The following CDIP1 variants were observed in gnomAD, a reference collection of about 807,000 sequenced individuals.
CDIP1 encodes the protein cell death inducing p53 target 1.
In CDIP1, 9 loss-of-function variants were observed where a neutral mutation model predicts 17.7. That is an observed-to-expected ratio of 0.51 (90% CI 0.31 to 0.89). The LOEUF (loss-of-function observed/expected upper bound fraction) is 0.89, where lower values mean the gene tolerates loss of function less well. CDIP1 is among the 40% of genes least tolerant of loss of function. The pLI is 0.05. For missense variants in CDIP1, 263 were observed against 277.9 expected, an observed-to-expected ratio of 0.95 and a Z score of 0.38; for synonymous variants, 117 against 109.5, an observed-to-expected ratio of 1.07 and a Z score of -0.43.
chr16:4,535,475 T>A (rs914849685), intron 1 of CDIP1, among the ~76,000 whole-genome samples: 1 of 152,246 alleles, frequency 6.6e-6, no homozygotes, highest in Non-Finnish European at 1.5e-5. Flanking sequence ...GGCTCTGTAT[T>A]GGTTTTGCTT....
chr16:4,538,006 G>A (rs2059127823), intron 1 of CDIP1, among the ~76,000 whole-genome samples: 1 of 152,214 alleles, frequency 6.6e-6, no homozygotes, highest in Non-Finnish European at 1.5e-5. Flanking sequence ...GTCACCCGCG[G>A]GGCTCGGCAG....
rs529426067 is a variant in CDIP1 at position 4,514,096 on chromosome 16, C to T, written c.35G>A (p.Gly12Asp). Residue 12 changes from glycine to aspartate, a missense_variant, in exon 3 of 6, where the codon GGC becomes GAC. Transcript: ENST00000567695. The surrounding 1 kb of genome is among the most constrained non-coding windows in gnomAD (Gnocchi z 5.2). ...SSEPPPPYPG[G>D]PTAPLLEEKS... ...CTCTTCCAGAAGTGGGGCTGTGGGGCCCCCAGGATAAGGAGGGGGAGGCTC... is the reference window on the plus strand; with the variant it reads ...CTCTTCCAGAAGTGGGGCTGTGGGGTCCCCAGGATAAGGAGGGGGAGGCTC... 7 of 1,540,816 alleles carry T rather than the reference C, an allele frequency of 4.5e-6. No homozygotes were observed. Among genetic ancestry groups the T allele is most frequent in the East Asian group, 2.5e-5 (1 of 39,812 alleles).
At position 4,525,393 on chromosome 16, in the gene CDIP1, G is replaced by A. The variant is rs1212030483; in HGVS notation, c.-104-10729C>T. Among the ~76,000 whole-genome samples, 4 of 152,180 alleles carry A rather than the reference G, an allele frequency of 2.6e-5. No homozygotes were observed. In the East Asian group the frequency reaches 5.8e-4, roughly 22 times the overall value. On this transcript the variant is annotated intron_variant, in intron 1 of 5. Coordinates refer to ENST00000567695, the MANE Select transcript of CDIP1 (RefSeq NM_013399.3). The stretch of plus-strand genomic sequence containing the variant: ...ATGAGCACTGGCTCAAGGAGGAGCT[G>A]AGGAGGACGATGGCGTGCAGTGAAC...
intron 1 of CDIP1, among the ~76,000 whole-genome samples, chr16:4,534,206 C>T (rs943328405): frequency 8.9e-6 from 1 of 112,492 alleles, no homozygotes; most frequent in South Asian, 3.0e-4. Flanking sequence ...CCACCTCAGC[C>T]TCCCAAAGTG....
At chr16:4,534,581 G>C (rs1043447512) in intron 1 of CDIP1, among the ~76,000 whole-genome samples, 3 of 152,108 alleles carry the variant, frequency 2.0e-5, no homozygotes, top group African/African-American at 7.2e-5. Context: ...CCACTGTGCT[G>C]CTACCTCCCT....
At position 4,513,976 on chromosome 16, in the gene CDIP1, TAG is replaced by T; in HGVS notation, c.85+68_85+69del. The T allele has an allele frequency of 1.5e-6, 2 of 1,339,322 alleles. No individual in the cohort carries two copies. Among genetic ancestry groups the T allele is most frequent in the Admixed American group, 2.6e-5 (1 of 39,098 alleles). 83.0% of individuals were successfully genotyped at this position (1,339,322 alleles called of 1,614,324 possible). On this transcript the variant is annotated intron_variant, in intron 3 of 5. Coordinates refer to ENST00000567695, the MANE Select transcript of CDIP1 (RefSeq NM_013399.3). The surrounding 1 kb of genome is among the most constrained non-coding windows in gnomAD (Gnocchi z 4.1). The stretch of plus-strand genomic sequence containing the variant: ...TAACCCTGGAGTGGGCATCACCACT[TAG>T]AGAGTCCCAACCATGCCATGGCGGC...
At chr16:4,516,542 G>C (rs986401729) in intron 1 of CDIP1, among the ~76,000 whole-genome samples, 5 of 151,890 alleles carry the variant, frequency 3.3e-5, no homozygotes, top group African/African-American at 9.7e-5. Context: ...TTGTAGAGAC[G>C]GGGGTCTCAC....
At position 4,514,094 on chromosome 16, in the gene CDIP1, G is replaced by A; in HGVS notation, c.37C>T (p.Pro13Ser). The change falls in exon 3 of 6, where the codon CCC becomes TCC. Residue 13 changes from proline (P) to serine (S), a missense_variant. Pro to Ser is a moderately conservative substitution (Grantham distance 74). Coordinates refer to ENST00000567695, the MANE Select transcript of CDIP1 (RefSeq NM_013399.3). This position sits in a 1 kb window ranked among gnomAD's most constrained non-coding sequence, Gnocchi z 5.2. ...SEPPPPYPGGPTAPLLEEKSG... is the reference protein window; with the variant it reads ...SEPPPPYPGGSTAPLLEEKSG... Reference sequence around the variant, plus strand: ...TTCTCTTCCAGAAGTGGGGCTGTGGGGCCCCCAGGATAAGGAGGGGGAGGC... The same window carrying A: ...TTCTCTTCCAGAAGTGGGGCTGTGGAGCCCCCAGGATAAGGAGGGGGAGGC... 1.3e-6 allele frequency: 2 copies of A among 1,542,214 alleles called. No homozygotes were observed. Among genetic ancestry groups the A allele is most frequent in the Non-Finnish European group, 1.7e-6 (2 of 1,155,404 alleles).
chr16:4,525,152 A>G (rs961038068), intron 1 of CDIP1, among the ~76,000 whole-genome samples: 1 of 152,118 alleles, frequency 6.6e-6, no homozygotes, highest in Non-Finnish European at 1.5e-5. Flanking sequence ...AAGGAACACA[A>G]GTTCTCTTCA....
intron 1 of CDIP1, chr16:4,533,137 C>G (rs2059072503): frequency 6.6e-6 from 1 of 152,286 alleles, no homozygotes; most frequent in Non-Finnish European, 1.5e-5. Flanking sequence ...AAAAAATACA[C>G]AGGCAAGCCC....
rs1001982752 is a variant in CDIP1, at chr16:4,510,765, G to A, written c.*1807C>T. ...ACCTGTAAAAGTTTTATTTCAAAAAGGGTTAAAAAGTAGGGAAACTCTTTA... is the reference window on the plus strand; with the variant it reads ...ACCTGTAAAAGTTTTATTTCAAAAAAGGTTAAAAAGTAGGGAAACTCTTTA... On this transcript the variant is annotated 3_prime_UTR_variant, in exon 6 of 6. Transcript: ENST00000567695. The A allele has an allele frequency of 6.6e-6, 1 of 152,122 alleles. No individual in the cohort carries two copies. The highest frequency in any genetic ancestry group is 2.4e-5 in the African/African-American group (1 of 41,408). The allele number at this position is 152,122 out of a possible 1,614,324, so 9.4% of individuals were successfully genotyped here. A position where few individuals can be genotyped will look rare whatever the true frequency, so the allele number is the denominator to read the frequency against.
intron 1 of CDIP1, among the ~76,000 whole-genome samples, chr16:4,531,677 A>G (rs767365597): frequency 2.0e-5 from 3 of 152,228 alleles, no homozygotes; most frequent in African/African-American, 2.4e-5. Flanking sequence ...CTGCCTGGAG[A>G]TGACAGAGCC....
At chr16:4,529,825 G>A (rs542449562) in intron 1 of CDIP1, among the ~76,000 whole-genome samples, 2 of 152,252 alleles carry the variant, frequency 1.3e-5, no homozygotes, top group Non-Finnish European at 2.9e-5. Context: ...GTTAAGTGCA[G>A]TCAAGACACG....
intron 1 of CDIP1, among the ~76,000 whole-genome samples, chr16:4,522,011 T>C (rs765827374): frequency 3.9e-5 from 6 of 152,202 alleles, no homozygotes; most frequent in Admixed American, 3.3e-4. Flanking sequence ...GCCTCTGCCA[T>C]GGAGTGCCTT....
At chr16:4,520,158 C>T (rs1333149065) in intron 1 of CDIP1, among the ~76,000 whole-genome samples, 2 of 151,176 alleles carry the variant, frequency 1.3e-5, no homozygotes, top group African/African-American at 4.9e-5. Flanking sequence ...TATCACCAGG[C>T]TGGAGTGCAG....
intron 1 of CDIP1, among the ~76,000 whole-genome samples, chr16:4,529,977 G>C (rs1036706479): frequency 6.6e-6 from 1 of 152,214 alleles, no homozygotes. Flanking sequence ...GTGGGATGTG[G>C]AAAAGCAAAC....
chr16:4,523,970 G>A (rs2058975721), intron 1 of CDIP1: 1 of 152,154 alleles, frequency 6.6e-6, no homozygotes, highest in South Asian at 2.1e-4. Flanking sequence ...CAGGCTTTAG[G>A]CTTCCCCAGG....
chr16:4,537,448 C>T (rs1596500773), intron 1 of CDIP1, among the ~76,000 whole-genome samples: 1 of 152,196 alleles, frequency 6.6e-6, no homozygotes, highest in Admixed American at 6.5e-5. Flanking sequence ...CTACCTAGAT[C>T]GGCCCCAAGG....
At chr16:4,522,408 G>C (rs1646641377) in intron 1 of CDIP1, 1 of 152,286 alleles carries the variant, frequency 6.6e-6, no homozygotes, top group African/African-American at 2.4e-5. Flanking sequence ...ATCCCCAGGA[G>C]GTGCTTACCC....
Sources: allele counts gnomAD v4.1 joint callset (sites outside exome capture counted in the v4.1 genomes callset), GRCh38; gene constraint gnomAD v4.1.1; non-coding constraint Gnocchi (gnomAD v3.1); transcripts MANE v1.5; gene names NCBI Gene and HGNC (gene_info 2026-07-23, HGNC 2026-07-21).